The following PCBP3 variants were observed in gnomAD, a reference collection of about 807,000 sequenced individuals.
PCBP3 encodes poly(rC) binding protein 3.
Under a neutral mutation model 52.7 loss-of-function variants are expected in PCBP3, and 25 were observed. The ratio of observed to expected loss-of-function variants is 0.47; its 90% CI spans 0.35 to 0.66. The LOEUF (loss-of-function observed/expected upper bound fraction) is 0.66, where lower values mean the gene tolerates loss of function less well. Ranked by LOEUF, PCBP3 falls within the 30% of genes least tolerant of loss-of-function variation. PCBP3 has a pLI of 0.01. For synonymous variants in PCBP3, 162 were observed against 183.0 expected (o/e 0.89, Z 0.93); for missense variants, 391 against 490.3 (o/e 0.80, Z 1.91).
At chr21:45,878,587 A>G (rs904176634) in intron 5 of PCBP3, among the ~76,000 whole-genome samples, 4 of 152,236 alleles carry the variant, frequency 2.6e-5, no homozygotes, top group Admixed American at 1.3e-4. Flanking sequence ...TGGGTGGCAC[A>G]CACGTGGCAC....
rs2094120108 is a variant in PCBP3 at position 45,853,191 on chromosome 21, T to C, written c.10+3096T>C. 6.6e-6 allele frequency among the ~76,000 whole-genome samples: 1 copy of C among 152,040 alleles called. No individual in the cohort carries two copies. Among genetic ancestry groups the C allele is most frequent in the Non-Finnish European group, 1.5e-5 (1 of 68,004 alleles). ...TCTGTGGTGACAAAATCTCCACGGGTTCATGGAGACAGATGCACACAGCAT... is the reference window on the plus strand; with the variant it reads ...TCTGTGGTGACAAAATCTCCACGGGCTCATGGAGACAGATGCACACAGCAT... On this transcript the variant is annotated intron_variant, in intron 5 of 17. Transcript: ENST00000681687. This position sits in a 1 kb window ranked among gnomAD's most constrained non-coding sequence, Gnocchi z 4.6.
chr21:45,833,909 T>A (rs551242612), intron 4 of PCBP3, among the ~76,000 whole-genome samples: 5 of 151,264 alleles, frequency 3.3e-5, no homozygotes, highest in East Asian at 1.9e-4. Context: ...ATATGAAATC[T>A]TCTGTTTTTT....
At chr21:45,813,974 A>G (rs759388160) in intron 4 of PCBP3, among the ~76,000 whole-genome samples, 13 of 152,162 alleles carry the variant, frequency 8.5e-5, no homozygotes, top group Non-Finnish European at 1.6e-4. Flanking sequence ...TTGTTAGGCA[A>G]TTTCCTCCCT....
chr21:45,835,192 C>T (rs1051118726), intron 4 of PCBP3, among the ~76,000 whole-genome samples: 16 of 152,314 alleles, frequency 1.1e-4, no homozygotes, highest in African/African-American at 3.1e-4. Flanking sequence ...GAATAGCCCA[C>T]GTCTGCCCTG....
chr21:45,745,523 C>T (rs534867440), intron 3 of PCBP3, among the ~76,000 whole-genome samples: 2 of 152,240 alleles, frequency 1.3e-5, no homozygotes, highest in South Asian at 2.1e-4. Flanking sequence ...AGATGCACCT[C>T]GTGTGTTCTA....
At chr21:45,804,439 C>G (rs554806779) in intron 4 of PCBP3, among the ~76,000 whole-genome samples, 4 of 152,112 alleles carry the variant, frequency 2.6e-5, no homozygotes, top group African/African-American at 9.7e-5. Context: ...TGAAACAGCA[C>G]GATTAACTGG....
At chr21:45,713,806 G>C (rs2084022560) in intron 2 of PCBP3, among the ~76,000 whole-genome samples, 1 of 152,194 alleles carries the variant, frequency 6.6e-6, no homozygotes, top group African/African-American at 2.4e-5. Flanking sequence ...TCTCCTCCCA[G>C]AACTTTCCCA....
chr21:45,852,198 C>T (rs2094039031), intron 5 of PCBP3, among the ~76,000 whole-genome samples: 2 of 152,354 alleles, frequency 1.3e-5, no homozygotes, highest in South Asian at 2.1e-4. Context: ...CAACATCATA[C>T]TGTATCCTGT....
At chr21:45,764,834 A>G in intron 4 of PCBP3, among the ~76,000 whole-genome samples, 1 of 151,774 alleles carries the variant, frequency 6.6e-6, no homozygotes, top group East Asian at 1.9e-4. Flanking sequence ...AGTGATAATT[A>G]TAAGCGTGGA....
intron 3 of PCBP3, among the ~76,000 whole-genome samples, chr21:45,739,953 ATT>A (rs1193426851): frequency 6.6e-6 from 1 of 152,196 alleles, no homozygotes; most frequent in African/African-American, 2.4e-5. Context: ...GTCTCGTCTA[ATT>A]TCACAGCCAA....
chr21:45,855,304 C>T (rs1463552803), intron 5 of PCBP3, among the ~76,000 whole-genome samples: 1 of 152,198 alleles, frequency 6.6e-6, no homozygotes, highest in Non-Finnish European at 1.5e-5. Flanking sequence ...AGCACAGACG[C>T]AGGCTCCGGA....
chr21:45,765,910 A>C (rs1021112898), intron 4 of PCBP3, among the ~76,000 whole-genome samples: 1 of 152,244 alleles, frequency 6.6e-6, no homozygotes, highest in Non-Finnish European at 1.5e-5. Flanking sequence ...CTGAAAAATA[A>C]TGTATTCAAG....
At chr21:45,860,808 G>A (rs997830080) in intron 5 of PCBP3, among the ~76,000 whole-genome samples, 10 of 152,134 alleles carry the variant, frequency 6.6e-5, no homozygotes, top group African/African-American at 2.4e-4. Flanking sequence ...TCCCCTGAGC[G>A]TGGCCCTGGG....
Position 45,896,310 on chromosome 21 carries a change from C to T in PCBP3, c.113C>T (p.Ser38Leu), listed in dbSNP as rs1260691156. The T allele has an allele frequency of 6.4e-7, 1 of 1,552,196 alleles. No homozygotes were observed. Among genetic ancestry groups the T allele is most frequent in the Non-Finnish European group, 8.7e-7 (1 of 1,147,112 alleles). ...QFGRRMESKV[S>L]EGGLNVTLTI... ...GGCAGAAGGATGGAGTCCAAGGTCT[C>T]AGAAGGTGGCCTGAATGTGACCCTC... Residue 38 changes from serine to leucine, a missense_variant, in exon 6 of 18, where the codon TCA becomes TTA. Ser to Leu is a moderately radical substitution (Grantham distance 145). Transcript: ENST00000681687.
At chr21:45,794,923 T>C (rs1000476012) in intron 4 of PCBP3, among the ~76,000 whole-genome samples, 15 of 148,430 alleles carry the variant, frequency 1.0e-4, no homozygotes, top group Admixed American at 2.7e-4. Context: ...AGCCAGACTC[T>C]GTCTCAAAAA....
At chr21:45,867,505 GCGGGC>G (rs2094792085) in intron 5 of PCBP3, among the ~76,000 whole-genome samples, 1 of 152,254 alleles carries the variant, frequency 6.6e-6, no homozygotes, top group African/African-American at 2.4e-5. Flanking sequence ...CGCGGAGGGT[GCGGGC>G]CGTGAAGGTT....
chr21:45,705,420 C>G (rs761378447), intron 2 of PCBP3, among the ~76,000 whole-genome samples: 1 of 152,218 alleles, frequency 6.6e-6, no homozygotes, highest in East Asian at 1.9e-4. Context: ...AGAGCCCCTC[C>G]TCGGCTGAAG....
At chr21:45,773,754 T>A (rs927930674) in intron 4 of PCBP3, among the ~76,000 whole-genome samples, 2 of 152,214 alleles carry the variant, frequency 1.3e-5, no homozygotes, top group African/African-American at 4.8e-5. Context: ...TTTTAGAATT[T>A]TTTTTTCTAA....
intron 2 of PCBP3, among the ~76,000 whole-genome samples, chr21:45,691,620 A>G (rs1218753725): frequency 2.6e-5 from 4 of 151,846 alleles, no homozygotes; most frequent in Non-Finnish European, 4.4e-5. Flanking sequence ...GAACAAGTGG[A>G]TTTATAAAAA....
Sources: gnomAD v4.1 joint callset for allele counts (sites outside exome capture counted in the v4.1 genomes callset) on GRCh38, gnomAD v4.1.1 for gene constraint, Gnocchi (gnomAD v3.1) non-coding constraint, MANE v1.5 for transcripts, NCBI Gene and HGNC (gene_info 2026-07-23, HGNC 2026-07-21) for gene names.